PTHLH: variants seen among roughly 807,000 people sequenced by gnomAD.
The protein encoded by PTHLH is parathyroid hormone like hormone, also known as parathyroid hormone-related protein.
Under a neutral mutation model 18.6 loss-of-function variants are expected in PTHLH, and 5 were observed. That is an observed-to-expected ratio of 0.27 (90% CI 0.14 to 0.56). The LOEUF is 0.56. Among genes scored for constraint, PTHLH ranks in the 20% least tolerant of loss-of-function variants. The pLI is 0.92. For synonymous variants in PTHLH, 90 were observed against 94.0 expected, an observed-to-expected ratio of 0.96 and a Z score of 0.25; for missense variants, 207 against 223.9, an observed-to-expected ratio of 0.92 and a Z score of 0.48.
At chr12:27,964,476 AG>A (rs2062794391) in intron 4 of PTHLH, among the ~76,000 whole-genome samples, 1 of 148,156 alleles carries the variant, frequency 6.7e-6, no homozygotes, top group Non-Finnish European at 1.5e-5. Flanking sequence ...ATCGTCAGAG[AG>A]AGAGAGAGAG....
chr12:27,963,969 G>A (rs2062785816), intron 4 of PTHLH, among the ~76,000 whole-genome samples, 199 bp from the exon 5 acceptor site: 9 of 152,084 alleles, frequency 5.9e-5, no homozygotes, highest in Admixed American at 5.9e-4. Context: ...TCCAGCTCAT[G>A]GTCCCAGTTC....
intron 5 of PTHLH, among the ~76,000 whole-genome samples, chr12:27,961,515 A>G (rs2062761812): frequency 6.6e-6 from 1 of 150,790 alleles, no homozygotes; most frequent in Non-Finnish European, 1.5e-5. Flanking sequence ...TGACATGTTT[A>G]TATATATGAG....
chr12:27,958,564 G>C lies in PTHLH; in HGVS notation c.529C>G (p.His177Asp). ...TTSLELDSRR[H>D] The stretch of plus-strand genomic sequence containing the variant: ...GAAGGTCTCTGCTGAAAATTTCAAT[G>C]CCTCCTGCAAAAAGAAGGAAGAGAA... Residue 177 changes from histidine (H) to aspartate (D), a missense_variant, in exon 6 of 6, where the codon CAT (histidine) becomes GAT (aspartate). Coordinates refer to ENST00000545234, the MANE Select transcript of PTHLH (RefSeq NM_198965.2). 6.4e-7 allele frequency: 1 copy of C among 1,573,532 alleles called. No homozygotes were observed. Among genetic ancestry groups the C allele is most frequent in the East Asian group, 2.3e-5 (1 of 43,544 alleles).
chr12:27,968,035 T>C, intron 4 of PTHLH, among the ~76,000 whole-genome samples: 1 of 152,222 alleles, frequency 6.6e-6, no homozygotes, highest in African/African-American at 2.4e-5. Flanking sequence ...AAAAATTCAG[T>C]CTTCATTTCT....
At chr12:27,964,565 G>A (rs2062795344) in intron 4 of PTHLH, among the ~76,000 whole-genome samples, 2 of 152,064 alleles carry the variant, frequency 1.3e-5, no homozygotes, top group South Asian at 4.2e-4. Context: ...GTTTCTTTGT[G>A]TGCTTAAATG....
At chr12:27,962,689 T>A (rs2062772395) in intron 5 of PTHLH, 1 of 984,274 alleles carries the variant, frequency 1.0e-6, no homozygotes, top group Non-Finnish European at 1.2e-6. Flanking sequence ...TCCTTGTAAG[T>A]TAATACTTAA....
rs770689016 is a variant in PTHLH, at chr12:27,963,626, G to C, written c.246C>G (p.Ser82=). ...GGTTCTTTGTGTTGGGAGAGGGCTT[G>C]GAGTTAGGGGACACCTCCGAGGTAG... ...IRATSEVSPN[S]KPSPNTKNHP... is the part of the protein sequence containing the mutation. Residue 82 remains serine, a synonymous_variant, in exon 5 of 6, where the codon TCC becomes TCG. Coordinates refer to ENST00000545234, the MANE Select transcript of PTHLH (RefSeq NM_198965.2). 2.5e-6 allele frequency: 4 copies of C among 1,614,112 alleles called. No homozygotes were observed. The Admixed American group carries it at 6.7e-5, about 27-fold the overall frequency.
At chr12:27,961,276 C>CATATATATACGT (rs1591846231) in intron 5 of PTHLH, among the ~76,000 whole-genome samples, 8 of 52,752 alleles carry the variant, frequency 1.5e-4, no homozygotes, top group Non-Finnish European at 2.0e-4. Flanking sequence ...TTTTATAACT[C>CATATATATACGT]ATATATATAC....
chr12:27,970,738 G>A (rs1217022805), intron 2 of PTHLH, among the ~76,000 whole-genome samples: 1 of 152,138 alleles, frequency 6.6e-6, no homozygotes, highest in Non-Finnish European at 1.5e-5. Flanking sequence ...AGGCCAAGGA[G>A]CTGGGCCGGG....
At chr12:27,968,185 TAC>T (rs1300939545) in intron 4 of PTHLH, among the ~76,000 whole-genome samples, 1 of 152,226 alleles carries the variant, frequency 6.6e-6, no homozygotes, top group Non-Finnish European at 1.5e-5. Flanking sequence ...TATAATGTTC[TAC>T]ACAATTTGCC....
chr12:27,962,648 T>G, intron 5 of PTHLH: 1 of 985,280 alleles, frequency 1.0e-6, no homozygotes, highest in Non-Finnish European at 1.2e-6. Context: ...ATCTTGCCAA[T>G]GAACAAAAAG....
At chr12:27,963,099 G>A in intron 5 of PTHLH, 1 of 1,400,898 alleles carries the variant, frequency 7.1e-7, no homozygotes, top group South Asian at 1.6e-5. Context: ...TTGATGTTGG[G>A]TGACGGTGGA....
At chr12:27,962,573 A>T in intron 5 of PTHLH, 1 of 985,534 alleles carries the variant, frequency 1.0e-6, no homozygotes, top group African/African-American at 1.7e-5. Flanking sequence ...TGAGCTAAGG[A>T]TAAACAAGCC....
chr12:27,969,587 C>A, intron 3 of PTHLH, 71 bp from the exon 4 acceptor site: 4 of 1,282,020 alleles, frequency 3.1e-6, no homozygotes, highest in Admixed American at 1.9e-5. Context: ...TCCGCTCCCC[C>A]TTTTTAGCCC....
Position 27,970,260 on chromosome 12 carries a change from A to G in PTHLH, c.-258T>C, listed in dbSNP as rs2062857303. On this transcript the variant is annotated 5_prime_UTR_variant, in exon 3 of 6. Coordinates refer to ENST00000545234, the MANE Select transcript of PTHLH (RefSeq NM_198965.2). ...AGCGGAGGAATGTTCACACGCTCCG[A>G]GGCAAACCTGCCGGAGAAGTGAGCT... The G allele has an allele frequency of 4.7e-6, 2 of 422,252 alleles. No individual in the cohort carries two copies. Among genetic ancestry groups the G allele is most frequent in the South Asian group, 3.4e-5 (2 of 58,724 alleles). 26.2% of individuals were successfully genotyped at this position (422,252 alleles called of 1,614,324 possible). A position where few individuals can be genotyped will look rare whatever the true frequency, so the allele number is the denominator to read the frequency against.
chr12:27,972,426 C>T (rs1361099043), intron 1 of PTHLH, 97 bp downstream of exon 1: 1 of 152,090 alleles, frequency 6.6e-6, no homozygotes, highest in East Asian at 1.9e-4. Flanking sequence ...TTTAGAATTT[C>T]CTCTCCTCCA....
chr12:27,966,438 A>G (rs2062814517), intron 4 of PTHLH, among the ~76,000 whole-genome samples: 1 of 152,228 alleles, frequency 6.6e-6, no homozygotes, highest in Non-Finnish European at 1.5e-5. Flanking sequence ...TGAAGAATGA[A>G]TCTCTCACTA....
chr12:27,959,879 C>A (rs2062739507), intron 5 of PTHLH, among the ~76,000 whole-genome samples: 1 of 152,120 alleles, frequency 6.6e-6, no homozygotes, highest in Non-Finnish European at 1.5e-5. Context: ...CCTCAAAACT[C>A]AATAATCTGC....
intron 2 of PTHLH, among the ~76,000 whole-genome samples, chr12:27,970,588 G>T (rs954168646): frequency 1.3e-5 from 2 of 151,912 alleles, no homozygotes; most frequent in African/African-American, 4.8e-5. Flanking sequence ...CTCCAGGCCC[G>T]GCCGGCTCCT....
Sources: allele counts gnomAD v4.1 joint callset (sites outside exome capture counted in the v4.1 genomes callset), GRCh38; gene constraint gnomAD v4.1.1; transcripts MANE v1.5; gene names NCBI Gene and HGNC (gene_info 2026-07-23, HGNC 2026-07-21).